The following CTNNA2 variants were observed in gnomAD, a reference collection of about 807,000 sequenced individuals.
CTNNA2 encodes the protein catenin alpha-2.
A neutral mutation model predicts 101.0 loss-of-function variants in CTNNA2; 42 were observed. That is an observed-to-expected ratio of 0.42 (90% CI 0.32 to 0.54). CTNNA2 has a LOEUF of 0.54. CTNNA2 is among the 20% of genes least tolerant of loss of function. The pLI is 0.14. For missense variants in CTNNA2, 871 were observed against 1,223.1 expected (o/e 0.71, Z 4.29); for synonymous variants, 450 against 456.4 (o/e 0.99, Z 0.18).
intron 9 of CTNNA2, among the ~76,000 whole-genome samples, chr2:80,539,348 A>G (rs1558564645): frequency 7.1e-6 from 1 of 141,192 alleles, no homozygotes. Context: ...TGTTCTTTCT[A>G]GTTCTGCTAA....
At chr2:80,442,272 G>A (rs1333817036) in intron 9 of CTNNA2, among the ~76,000 whole-genome samples, 1 of 152,192 alleles carries the variant, frequency 6.6e-6, no homozygotes, top group Non-Finnish European at 1.5e-5. Flanking sequence ...AAAGCTCCCA[G>A]TTAATTGATG....
At chr2:80,292,540 C>T (rs1220805661) in intron 7 of CTNNA2, among the ~76,000 whole-genome samples, 3 of 152,010 alleles carry the variant, frequency 2.0e-5, no homozygotes, top group African/African-American at 7.3e-5. Context: ...TTGCAGGTTG[C>T]CAGGCACCTA....
chr2:79,197,251 T>C (rs993523982), intron 1 of CTNNA2, among the ~76,000 whole-genome samples: 1 of 152,152 alleles, frequency 6.6e-6, no homozygotes, highest in Non-Finnish European at 1.5e-5. Flanking sequence ...CACCATCACT[T>C]GAATTTGGCA....
intron 7 of CTNNA2, among the ~76,000 whole-genome samples, chr2:80,261,002 G>C (rs573490646): frequency 6.6e-6 from 1 of 152,108 alleles, no homozygotes; most frequent in Non-Finnish European, 1.5e-5. Flanking sequence ...ACAGTGTAGC[G>C]ATCCACCTAA....
chr2:79,917,388 G>A (rs1314712965), intron 7 of CTNNA2, among the ~76,000 whole-genome samples: 2 of 152,072 alleles, frequency 1.3e-5, no homozygotes, highest in African/African-American at 2.4e-5. Context: ...TTTTTAATTG[G>A]TATTTCTTGC....
chr2:80,352,168 C>G (rs1044838142), intron 7 of CTNNA2, among the ~76,000 whole-genome samples: 7 of 152,010 alleles, frequency 4.6e-5, no homozygotes, highest in Non-Finnish European at 8.8e-5. Flanking sequence ...ATAAGTTAGT[C>G]CTCAAAGTCA....
At chr2:80,520,492 A>C (rs1021215802) in intron 9 of CTNNA2, among the ~76,000 whole-genome samples, 3 of 152,160 alleles carry the variant, frequency 2.0e-5, no homozygotes, top group African/African-American at 7.2e-5. Flanking sequence ...TGTTTCTCAC[A>C]GTTCTGGAGG....
intron 7 of CTNNA2, among the ~76,000 whole-genome samples, chr2:80,219,061 A>G (rs893087041): frequency 3.9e-5 from 6 of 152,186 alleles, no homozygotes; most frequent in African/African-American, 1.4e-4. Flanking sequence ...GTGGAAATAG[A>G]GAAATCCATT....
intron 2 of CTNNA2, among the ~76,000 whole-genome samples, chr2:79,714,928 C>T (rs564224301): frequency 1.7e-4 from 26 of 151,362 alleles, no homozygotes; most frequent in African/African-American, 5.3e-4. Flanking sequence ...CGGTAGCTCA[C>T]GCCTATAATC....
intron 11 of CTNNA2, among the ~76,000 whole-genome samples, chr2:80,551,790 T>C (rs1360678886): frequency 1.3e-5 from 2 of 152,230 alleles, no homozygotes; most frequent in Non-Finnish European, 2.9e-5. Flanking sequence ...CATTTTCTTA[T>C]CTGGGTGTTC....
intron 9 of CTNNA2, among the ~76,000 whole-genome samples, chr2:80,456,813 G>A (rs921455440): frequency 6.6e-6 from 1 of 152,160 alleles, no homozygotes; most frequent in African/African-American, 2.4e-5. Flanking sequence ...CGAGTAGAAG[G>A]TGGTTATCAG....
intron 2 of CTNNA2, among the ~76,000 whole-genome samples, chr2:79,218,662 T>C (rs1558577336): frequency 6.6e-6 from 1 of 152,154 alleles, no homozygotes; most frequent in Non-Finnish European, 1.5e-5. Flanking sequence ...ACTGTAGCAC[T>C]ATAGGGAGGA....
chr2:80,590,892 T>C (rs562657963), intron 15 of CTNNA2, among the ~76,000 whole-genome samples: 1 of 152,282 alleles, frequency 6.6e-6, no homozygotes, highest in East Asian at 1.9e-4. Context: ...GCCTGAAACT[T>C]CTACAAATCA....
At chr2:80,129,955 TA>T (rs1224240279) in intron 7 of CTNNA2, among the ~76,000 whole-genome samples, 1 of 152,032 alleles carries the variant, frequency 6.6e-6, no homozygotes, top group Admixed American at 6.6e-5. Context: ...GAAATCTAAA[TA>T]AAAAATTATG....
chr2:79,354,540 C>T (rs1297724323), intron 3 of CTNNA2, among the ~76,000 whole-genome samples: 2 of 152,046 alleles, frequency 1.3e-5, no homozygotes, highest in African/African-American at 4.8e-5. Context: ...CAATTTTGTT[C>T]TCTCTTAAAA....
At chr2:80,315,736 G>A (rs1042251403) in intron 7 of CTNNA2, among the ~76,000 whole-genome samples, 13 of 152,212 alleles carry the variant, frequency 8.5e-5, no homozygotes, top group Admixed American at 6.5e-5. Context: ...CTCTTGATGG[G>A]ACGGGAAGAA....
At chr2:79,470,288 A>T (rs900311229) in intron 4 of CTNNA2, among the ~76,000 whole-genome samples, 2 of 152,158 alleles carry the variant, frequency 1.3e-5, no homozygotes, top group African/African-American at 4.8e-5. Flanking sequence ...GGAGCATTTG[A>T]ACCCAGGAGT....
intron 7 of CTNNA2, among the ~76,000 whole-genome samples, chr2:80,005,795 C>T (rs1693300248): frequency 6.6e-6 from 1 of 150,750 alleles, no homozygotes. Context: ...TAAACAAGCA[C>T]AGCTAAAGAA....
chr2:79,975,590 A>G (rs780896709), intron 7 of CTNNA2, among the ~76,000 whole-genome samples: 23 of 152,294 alleles, frequency 1.5e-4, no homozygotes, highest in Non-Finnish European at 2.5e-4. Flanking sequence ...GCTTCTGACC[A>G]ACCAGCTATA....
Sources: gnomAD v4.1 joint callset for allele counts (sites outside exome capture counted in the v4.1 genomes callset) on GRCh38, gnomAD v4.1.1 for gene constraint, MANE v1.5 for transcripts, NCBI Gene and HGNC (gene_info 2026-07-23, HGNC 2026-07-21) for gene names.